Variants in PEDS1 observed in about 807,000 individuals in gnomAD.
PEDS1 encodes the protein CarF homolog.
A neutral mutation model predicts 35.2 loss-of-function variants in PEDS1; 14 were observed. The observed-to-expected ratio is 0.40, with a 90% CI of 0.26 to 0.62. The LOEUF (loss-of-function observed/expected upper bound fraction) is 0.62, where lower values mean the gene tolerates loss of function less well. Ranked by LOEUF, PEDS1 falls within the 20% of genes least tolerant of loss-of-function variation. PEDS1 has a pLI of 0.44. For missense variants in PEDS1, 260 were observed against 367.8 expected (o/e 0.71, Z 2.40); for synonymous variants, 152 against 152.0 (o/e 1.00, Z 0.00).
At chr20:50,150,419 T>A (rs923012451) in intron 1 of PEDS1, among the ~76,000 whole-genome samples, 64 of 152,170 alleles carry the variant, frequency 4.2e-4, no homozygotes, top group African/African-American at 1.5e-3. Flanking sequence ...GTCTCTGCAT[T>A]TGTTGTTTCC....
intron 1 of PEDS1, 99 bp downstream of exon 1, chr20:50,153,418 G>A (rs2081426400): frequency 4.1e-6 from 5 of 1,234,204 alleles, no homozygotes; most frequent in Non-Finnish European, 5.1e-6. Context: ...CCGGGCTGGA[G>A]TTCCGCATCT....
At chr20:50,148,091 AG>A (rs751597443) in intron 1 of PEDS1, among the ~76,000 whole-genome samples, 14 of 152,194 alleles carry the variant, frequency 9.2e-5, no homozygotes, top group African/African-American at 3.4e-4. Context: ...CTCCGTCTCC[AG>A]GGGGAGAAAA....
At chr20:50,139,741 G>A (rs2081274161) in intron 2 of PEDS1, among the ~76,000 whole-genome samples, 1 of 151,296 alleles carries the variant, frequency 6.6e-6, no homozygotes, top group Non-Finnish European at 1.5e-5. Flanking sequence ...GTGCAATGGG[G>A]CGATCTTGGC....
chr20:50,151,241 G>C (rs1318890196), intron 1 of PEDS1: 1 of 1,304,170 alleles, frequency 7.7e-7, no homozygotes, highest in African/African-American at 1.5e-5. Flanking sequence ...AAAGGGCCTT[G>C]ATTGCAGATT....
At chr20:50,136,162 A>T (rs924362482) in intron 2 of PEDS1, among the ~76,000 whole-genome samples, 1 of 152,170 alleles carries the variant, frequency 6.6e-6, no homozygotes, top group Admixed American at 6.5e-5. Flanking sequence ...AACGCCTTAA[A>T]TGTTTTATCT....
At chr20:50,153,157 G>A (rs2081422653) in intron 1 of PEDS1, among the ~76,000 whole-genome samples, 1 of 151,794 alleles carries the variant, frequency 6.6e-6, no homozygotes, top group African/African-American at 2.4e-5. Context: ...GGCTTGGACC[G>A]GGTCCTGGGG....
intron 1 of PEDS1, among the ~76,000 whole-genome samples, chr20:50,146,778 G>A (rs145508598): frequency 7.4e-4 from 112 of 152,268 alleles, no homozygotes; most frequent in Non-Finnish European, 1.1e-3. Flanking sequence ...CCTCAACAGA[G>A]GTCACATAGC....
At chr20:50,152,792 T>C (rs1288143367) in intron 1 of PEDS1, among the ~76,000 whole-genome samples, 1 of 151,728 alleles carries the variant, frequency 6.6e-6, no homozygotes, top group Non-Finnish European at 1.5e-5. Context: ...TACAGTGGGG[T>C]ACATTCAGTC....
chr20:50,150,514 A>G (rs2081391839), intron 1 of PEDS1, among the ~76,000 whole-genome samples: 3 of 151,802 alleles, frequency 2.0e-5, no homozygotes, highest in Admixed American at 2.0e-4. Flanking sequence ...TTCGAATGTC[A>G]CCTGCTCAGG....
chr20:50,139,523 C>T (rs1001016073), intron 2 of PEDS1, among the ~76,000 whole-genome samples: 2 of 151,616 alleles, frequency 1.3e-5, no homozygotes, highest in Non-Finnish European at 2.9e-5. Context: ...CTCCCTGGTT[C>T]TCCCCCCATC....
intron 2 of PEDS1, among the ~76,000 whole-genome samples, chr20:50,135,099 C>T (rs999006172): frequency 2.0e-5 from 3 of 151,930 alleles, no homozygotes; most frequent in African/African-American, 4.8e-5. Flanking sequence ...GCAGGAGAAT[C>T]GCTTGAACCT....
chr20:50,137,279 C>T (rs1264418205), intron 2 of PEDS1, among the ~76,000 whole-genome samples: 1 of 152,146 alleles, frequency 6.6e-6, no homozygotes, highest in Non-Finnish European at 1.5e-5. Context: ...GCGACCCACT[C>T]ACAAATCCTA....
chr20:50,131,168 G>T, intron 2 of PEDS1: 1 of 1,080,464 alleles, frequency 9.3e-7, no homozygotes, highest in South Asian at 1.4e-5. Context: ...CATGTGCTTG[G>T]AGAGTCTGGA....
intron 1 of PEDS1, among the ~76,000 whole-genome samples, chr20:50,148,713 C>G (rs1448119827): frequency 6.6e-6 from 1 of 152,028 alleles, no homozygotes; most frequent in Non-Finnish European, 1.5e-5. Flanking sequence ...AGACCCTCAG[C>G]CTCAGGGAGA....
Position 50,143,491 on chromosome 20 carries a change from C to T in PEDS1, c.241+11G>A, listed in dbSNP as rs200689874. On this transcript the variant is annotated intron_variant, in intron 2 of 5. Transcript: ENST00000371652. ...GAAGTTGAGGCAGGCAGCAGTGCCT[C>T]GGGCACTCACCAACACCGAGTATGA... is the stretch of plus-strand genomic sequence containing the variant. 120 of 1,597,978 alleles carry T rather than the reference C, an allele frequency of 7.5e-5. 2 individuals carry two copies. The African/African-American group carries it at 1.4e-3, about 18-fold the overall frequency.
intron 2 of PEDS1, among the ~76,000 whole-genome samples, chr20:50,142,032 G>A (rs1275220653): frequency 1.3e-5 from 2 of 152,198 alleles, no homozygotes; most frequent in Admixed American, 1.3e-4. Flanking sequence ...GGAGAGGAAG[G>A]AAACTGAGTC....
chr20:50,135,269 C>T lies in PEDS1; in HGVS notation c.242-4322G>A, dbSNP rs547757476. Among the ~76,000 whole-genome samples, 7 of 152,310 alleles carry T rather than the reference C, an allele frequency of 4.6e-5. No homozygotes were observed. In the East Asian group the frequency reaches 1.3e-3, roughly 29 times the overall value. On this transcript the variant is annotated intron_variant, in intron 2 of 5. Coordinates refer to ENST00000371652, the MANE Select transcript of PEDS1 (RefSeq NM_199129.4). ...TCTCCACTGCAGCTCCTCAACTCTG[C>T]AGCTGTAGTGTGAAGGCAGACATCA...
At chr20:50,127,885 C>T (rs1407253323) in intron 5 of PEDS1, 90 bp downstream of exon 5, 3 of 1,513,504 alleles carry the variant, frequency 2.0e-6, no homozygotes, top group South Asian at 1.2e-5. Context: ...GACTGTGTGA[C>T]CTCCTGCTGT....
At chr20:50,138,524 G>A (rs992627218) in intron 2 of PEDS1, among the ~76,000 whole-genome samples, 3 of 152,256 alleles carry the variant, frequency 2.0e-5, no homozygotes, top group African/African-American at 7.2e-5. Context: ...TCTCTGCTGA[G>A]CCTCAGTCTT....
Sources: allele counts gnomAD v4.1 joint callset (sites outside exome capture counted in the v4.1 genomes callset), GRCh38; gene constraint gnomAD v4.1.1; transcripts MANE v1.5; gene names NCBI Gene and HGNC (gene_info 2026-07-23, HGNC 2026-07-21).